SNX29: variants seen among roughly 807,000 people sequenced by gnomAD.
The protein encoded by SNX29 is sorting nexin-29.
SNX29 carries 78 observed loss-of-function variants against 102.1 expected under a neutral mutation model. The observed-to-expected ratio is 0.76, with a 90% CI of 0.64 to 0.92. The LOEUF (loss-of-function observed/expected upper bound fraction) is 0.92, where lower values mean the gene tolerates loss of function less well. SNX29 is among the 40% of genes least tolerant of loss of function. The pLI, the probability that SNX29 is intolerant of heterozygous loss-of-function variation, is 0.00. For synonymous variants in SNX29, 580 were observed against 414.5 expected, an observed-to-expected ratio of 1.40 and a Z score of -4.85; for missense variants, 1,280 against 1,061.7, an observed-to-expected ratio of 1.21 and a Z score of -2.86.
At chr16:12,257,501 A>ATC (rs111505982) in intron 14 of SNX29, among the ~76,000 whole-genome samples, 76 of 149,568 alleles carry the variant, frequency 5.1e-4, no homozygotes, top group South Asian at 2.5e-3. Context: ...TACCACTAGC[A>ATC]TCTCTCTCTC....
Position 12,215,476 on chromosome 16 carries a change from AG to A in SNX29, c.1678+15794del. Among the ~76,000 whole-genome samples the A allele has an allele frequency of 2.0e-5, 3 of 152,258 alleles. No homozygotes were observed. The South Asian group carries it at 6.2e-4, about 32-fold the overall frequency. On this transcript the variant is annotated intron_variant, in intron 14 of 20. Transcript: ENST00000566228. ...GCCTGGATCTCTGATGTCCTGATAC[AG>A]AAGTGAGTAATACTCTATATCTACC...
chr16:12,340,580 G>A (rs759362646), intron 15 of SNX29, among the ~76,000 whole-genome samples: 51 of 152,302 alleles, frequency 3.3e-4, no homozygotes, highest in South Asian at 1.9e-3. Flanking sequence ...TGAGTCATCT[G>A]GAGCAGAGTG....
intron 14 of SNX29, among the ~76,000 whole-genome samples, chr16:12,247,713 C>A (rs370343852): frequency 6.6e-6 from 1 of 152,188 alleles, no homozygotes; most frequent in Admixed American, 6.5e-5. Flanking sequence ...AGTCCCACTT[C>A]CCAGCGGCCT....
At chr16:12,478,710 A>C (rs1482316787) in intron 19 of SNX29, among the ~76,000 whole-genome samples, 1 of 152,196 alleles carries the variant, frequency 6.6e-6, no homozygotes, top group East Asian at 1.9e-4. Context: ...TTTAGGAAGC[A>C]GTTCTCTGTC....
chr16:12,458,928 C>G (rs1210721385), intron 18 of SNX29, among the ~76,000 whole-genome samples: 1 of 152,198 alleles, frequency 6.6e-6, no homozygotes, highest in East Asian at 1.9e-4. Context: ...CTTGAGCTGG[C>G]TAAAACAAAA....
intron 15 of SNX29, among the ~76,000 whole-genome samples, chr16:12,282,304 T>C (rs76312848): frequency 0.019 from 2,935 of 152,144 alleles, 39 homozygotes; most frequent in Middle Eastern, 0.071. Context: ...ACTGCAGCAA[T>C]ATCAGCCATT....
intron 8 of SNX29, among the ~76,000 whole-genome samples, chr16:12,055,353 C>T (rs1314055045): frequency 6.6e-6 from 1 of 151,752 alleles, no homozygotes; most frequent in Non-Finnish European, 1.5e-5. Context: ...TGTGTCTCAG[C>T]CTCTCGAGTA....
At chr16:12,485,410 C>T (rs745392399) in intron 19 of SNX29, among the ~76,000 whole-genome samples, 4 of 152,196 alleles carry the variant, frequency 2.6e-5, no homozygotes, top group Non-Finnish European at 5.9e-5. Flanking sequence ...GTTCATTTGG[C>T]ATTAAGGCAA....
At chr16:12,561,777 C>T (rs2078738761) in intron 20 of SNX29, among the ~76,000 whole-genome samples, 1 of 152,172 alleles carries the variant, frequency 6.6e-6, no homozygotes. Context: ...AAGCACATGT[C>T]AGGACCACGC....
In SNX29 at chr16:12,246,970, A is replaced by G. The variant is rs538952806; in HGVS notation, c.1679-30963A>G. Among the ~76,000 whole-genome samples the G allele has an allele frequency of 1.9e-4, 29 of 152,306 alleles. No homozygotes were observed. In the East Asian group the frequency reaches 5.2e-3, roughly 27 times the overall value. ...GAGGCACAAGGGGAAACAGGGTGTC[A>G]GGAGGTTGAGAAGAGGCCTGTGTTG... On this transcript the variant is annotated intron_variant, in intron 14 of 20. Coordinates refer to ENST00000566228, the MANE Select transcript of SNX29 (RefSeq NM_032167.5).
intron 20 of SNX29, among the ~76,000 whole-genome samples, chr16:12,534,137 A>G (rs994152482): frequency 5.9e-5 from 9 of 152,330 alleles, no homozygotes; most frequent in Non-Finnish European, 2.9e-5. Context: ...CAGCTCCAAC[A>G]CCAGGCCTCA....
intron 20 of SNX29, among the ~76,000 whole-genome samples, chr16:12,547,170 A>C (rs532417309): frequency 1.3e-5 from 2 of 152,322 alleles, no homozygotes; most frequent in East Asian, 3.9e-4. Flanking sequence ...TGTGCTGTTT[A>C]TGGTCTAGGA....
intron 20 of SNX29, among the ~76,000 whole-genome samples, chr16:12,561,840 G>A (rs2078742377): frequency 6.6e-6 from 1 of 152,166 alleles, no homozygotes; most frequent in South Asian, 2.1e-4. Flanking sequence ...CCCTGCAGGG[G>A]AGGGGAGGCA....
At position 12,155,971 on chromosome 16, in the gene SNX29, C is replaced by T. The variant is rs768554568; in HGVS notation, c.1595+26213C>T. Among the ~76,000 whole-genome samples, 22 of 152,348 alleles carry T rather than the reference C, an allele frequency of 1.4e-4. No homozygotes were observed. In the South Asian group the frequency reaches 1.7e-3, roughly 11 times the overall value. Reference sequence around the variant, plus strand: ...TGGTATAAAAGGACTTGACATGATGCAGTGCTCCCATCATCTCTCTCTGCT... The same window carrying T: ...TGGTATAAAAGGACTTGACATGATGTAGTGCTCCCATCATCTCTCTCTGCT... On this transcript the variant is annotated intron_variant, in intron 13 of 20. Coordinates refer to ENST00000566228, the MANE Select transcript of SNX29 (RefSeq NM_032167.5).
chr16:12,038,378 C>A (rs867133960), intron 4 of SNX29, among the ~76,000 whole-genome samples: 2 of 152,130 alleles, frequency 1.3e-5, no homozygotes, highest in African/African-American at 4.8e-5. Context: ...CTGTTAGTGT[C>A]CTCTGTTAAC....
chr16:12,497,794 A>G (rs1408798823), intron 19 of SNX29, among the ~76,000 whole-genome samples: 1 of 152,310 alleles, frequency 6.6e-6, no homozygotes, highest in Admixed American at 6.5e-5. Flanking sequence ...CAGAAAGAGC[A>G]TATTGTTTTC....
At chr16:11,984,543 A>G (rs936352977) in intron 1 of SNX29, among the ~76,000 whole-genome samples, 1 of 152,196 alleles carries the variant, frequency 6.6e-6, no homozygotes, top group East Asian at 1.9e-4. Context: ...TCCATCATTC[A>G]TCATTTTGCA....
chr16:12,055,210 C>G (rs1248758463), intron 8 of SNX29, among the ~76,000 whole-genome samples: 1 of 150,856 alleles, frequency 6.6e-6, no homozygotes, highest in East Asian at 1.9e-4. Context: ...ATTTCTATCT[C>G]TGTTTCTGTG....
At chr16:12,418,496 C>A (rs2084735443) in intron 18 of SNX29, among the ~76,000 whole-genome samples, 1 of 151,058 alleles carries the variant, frequency 6.6e-6, no homozygotes, top group African/African-American at 2.4e-5. Flanking sequence ...CAGTTTCTGT[C>A]CTTCTGTGTT....
Sources: gnomAD v4.1 joint callset for allele counts (sites outside exome capture counted in the v4.1 genomes callset) on GRCh38, gnomAD v4.1.1 for gene constraint, MANE v1.5 for transcripts, NCBI Gene and HGNC (gene_info 2026-07-23, HGNC 2026-07-21) for gene names.